CDCP1: variants seen among roughly 807,000 people sequenced by gnomAD.
CDCP1 encodes CUB domain containing protein 1.
In CDCP1, 29 loss-of-function variants were observed where a neutral mutation model predicts 60.2. The ratio of observed to expected loss-of-function variants is 0.48; its 90% CI spans 0.36 to 0.66. The LOEUF is 0.66. Ranked by LOEUF, CDCP1 falls within the 30% of genes least tolerant of loss-of-function variation. The pLI is 0.00. For missense variants in CDCP1, 876 were observed against 1,074.3 expected (o/e 0.82, Z 2.58); for synonymous variants, 387 against 431.1 (o/e 0.90, Z 1.27).
At chr3:45,097,078 C>T (rs1033365841) in intron 4 of CDCP1, among the ~76,000 whole-genome samples, 2 of 152,030 alleles carry the variant, frequency 1.3e-5, no homozygotes, top group South Asian at 4.1e-4. Flanking sequence ...GAGGCTGAGG[C>T]GGGTGGATCA....
At chr3:45,095,618 C>T (rs371857481) in intron 4 of CDCP1, 50 bp from the exon 5 acceptor site, 23 of 1,522,260 alleles carry the variant, frequency 1.5e-5, no homozygotes, top group African/African-American at 4.1e-5. Flanking sequence ...AGCAGCAACA[C>T]GGGAAATGGC....
At position 45,112,130 on chromosome 3, in the gene CDCP1, G is replaced by A; in HGVS notation, c.608C>T (p.Pro203Leu). Residue 203 changes from proline to leucine, a missense_variant, in exon 3 of 9, where the codon CCC (proline) becomes CTC (leucine). Physicochemically the swap from Pro to Leu is moderately conservative, Grantham distance 98. Around this residue, in one of 2 missense-constraint regions of CDCP1, gnomAD observed 726 missense variants for 935.7 expected, o/e 0.78. Coordinates refer to ENST00000296129, the MANE Select transcript of CDCP1 (RefSeq NM_022842.5). ...KMALHLPWFH[P>L]RNVSGFSIAN... ...AATGCTGAAGCCGGAGACATTTCTG[G>A]GGTGGAACCATGGGAGGTGTAAGGC... The A allele has an allele frequency of 3.1e-6, 5 of 1,614,144 alleles. No individual in the cohort carries two copies. The highest frequency in any genetic ancestry group is 4.2e-6 in the Non-Finnish European group (5 of 1,180,024).
chr3:45,110,432 G>A (rs1698666265), intron 4 of CDCP1, 41 bp downstream of exon 4: 1 of 1,603,106 alleles, frequency 6.2e-7, no homozygotes, highest in Admixed American at 1.7e-5. Context: ...AACAACGAAG[G>A]TGCTGGAGGA....
chr3:45,109,051 G>A (rs1301055795), intron 4 of CDCP1, among the ~76,000 whole-genome samples: 1 of 149,052 alleles, frequency 6.7e-6, no homozygotes, highest in Non-Finnish European at 1.5e-5. Flanking sequence ...CTGGGTTCAA[G>A]CAATTTCCAT....
chr3:45,111,406 T>TG (rs1698690128), intron 3 of CDCP1, among the ~76,000 whole-genome samples: 1 of 152,240 alleles, frequency 6.6e-6, no homozygotes, highest in Non-Finnish European at 1.5e-5. Flanking sequence ...CCAGGTGCAG[T>TG]GGCTCATGCC....
intron 1 of CDCP1, among the ~76,000 whole-genome samples, chr3:45,119,999 C>T (rs896283386): frequency 2.0e-5 from 3 of 152,226 alleles, no homozygotes; most frequent in Non-Finnish European, 4.4e-5. Flanking sequence ...ACCCACGCTG[C>T]TGCATGGGTC....
At chr3:45,143,564 C>T (rs1244588224) in intron 1 of CDCP1, among the ~76,000 whole-genome samples, 1 of 152,234 alleles carries the variant, frequency 6.6e-6, no homozygotes, top group Non-Finnish European at 1.5e-5. Flanking sequence ...AAGAAGACTG[C>T]ATCAAAGTGA....
intron 1 of CDCP1, among the ~76,000 whole-genome samples, chr3:45,125,179 G>T (rs1698957165): frequency 6.6e-6 from 1 of 152,202 alleles, no homozygotes; most frequent in Admixed American, 6.5e-5. Flanking sequence ...AAGATGCCAA[G>T]ATATGAAAAT....
At chr3:45,120,511 T>C (rs1306517266) in intron 1 of CDCP1, among the ~76,000 whole-genome samples, 1 of 152,140 alleles carries the variant, frequency 6.6e-6, no homozygotes. Flanking sequence ...CAGCTCTGAG[T>C]CTATGACTAT....
At chr3:45,125,423 T>C (rs954987242) in intron 1 of CDCP1, among the ~76,000 whole-genome samples, 2 of 152,326 alleles carry the variant, frequency 1.3e-5, no homozygotes, top group Middle Eastern at 3.4e-3. Flanking sequence ...ATGTGCTTCC[T>C]TGGGCAAATT....
intron 4 of CDCP1, among the ~76,000 whole-genome samples, chr3:45,104,660 A>C (rs1698531721): frequency 6.6e-6 from 1 of 152,212 alleles, no homozygotes; most frequent in South Asian, 2.1e-4. Flanking sequence ...TTAACCGCTC[A>C]ATGTTCCCTA....
intron 1 of CDCP1, among the ~76,000 whole-genome samples, chr3:45,134,693 C>A (rs116655390): frequency 6.6e-6 from 1 of 152,174 alleles, no homozygotes; most frequent in African/African-American, 2.4e-5. Context: ...CCCTTGCAAG[C>A]GACCACAAGC....
At chr3:45,134,736 G>A (rs1699165064) in intron 1 of CDCP1, among the ~76,000 whole-genome samples, 1 of 152,084 alleles carries the variant, frequency 6.6e-6, no homozygotes, top group African/African-American at 2.4e-5. Flanking sequence ...AGCAAACCAG[G>A]CAGCCCAGGA....
Position 45,097,638 on chromosome 3 carries a change from G to T in CDCP1, c.1025-2070C>A, listed in dbSNP as rs189262590. Among the ~76,000 whole-genome samples, 525 of 152,226 alleles carry T rather than the reference G, an allele frequency of 3.4e-3. 2 individuals carry two copies. The highest frequency in any genetic ancestry group is 0.012 in the African/African-American group (484 of 41,536). On this transcript the variant is annotated intron_variant, in intron 4 of 8. Transcript: ENST00000296129. ...AATGAGTTCAATTCTAACTGGGAAA[G>T]CTCTATTTCCAAAAAGGCCTGCTAA...
At chr3:45,127,887 C>T (rs954481526) in intron 1 of CDCP1, among the ~76,000 whole-genome samples, 4 of 152,276 alleles carry the variant, frequency 2.6e-5, no homozygotes, top group South Asian at 4.1e-4. Context: ...AAGGTACAGC[C>T]GTCAGGCCAA....
intron 1 of CDCP1, among the ~76,000 whole-genome samples, chr3:45,130,030 G>GAC (rs58587894): frequency 0.068 from 9,618 of 142,076 alleles, 781 homozygotes; most frequent in African/African-American, 0.22. Context: ...TTGGTAACAA[G>GAC]ACACACACAC....
At chr3:45,087,465 C>T (rs1339966299) in intron 8 of CDCP1, among the ~76,000 whole-genome samples, 1 of 152,196 alleles carries the variant, frequency 6.6e-6, no homozygotes, top group African/African-American at 2.4e-5. Flanking sequence ...GAACCTGGGG[C>T]CCAGTGTTAA....
At chr3:45,108,535 C>A (rs7645521) in intron 4 of CDCP1, among the ~76,000 whole-genome samples, 1 of 151,348 alleles carries the variant, frequency 6.6e-6, no homozygotes, top group East Asian at 1.9e-4. Context: ...TCCACCATGA[C>A]TGAGGTGATA....
chr3:45,086,187 C>T, intron 8 of CDCP1, 120 bp from the exon 9 acceptor site: 3 of 835,518 alleles, frequency 3.6e-6, no homozygotes, highest in Non-Finnish European at 5.7e-6. Context: ...TCCCCCAAAT[C>T]CCTCAGATTG....
Sources: allele counts gnomAD v4.1 joint callset (sites outside exome capture counted in the v4.1 genomes callset), GRCh38; gene constraint gnomAD v4.1.1; regional missense constraint gnomAD v4.1.1; transcripts MANE v1.5; gene names NCBI Gene and HGNC (gene_info 2026-07-23, HGNC 2026-07-21).